Variants in TM9SF3 observed in about 807,000 individuals in gnomAD.
TM9SF3 encodes SM-11044-binding protein.
Under a neutral mutation model 78.6 loss-of-function variants are expected in TM9SF3, and 14 were observed. That is an observed-to-expected ratio of 0.18 (90% CI 0.12 to 0.28). TM9SF3 has a LOEUF of 0.28. Ranked by LOEUF, TM9SF3 falls within the 10% of genes least tolerant of loss-of-function variation. The pLI is 1.00. For missense variants in TM9SF3, 496 were observed against 721.9 expected, an observed-to-expected ratio of 0.69 and a Z score of 3.59; for synonymous variants, 231 against 241.7, an observed-to-expected ratio of 0.96 and a Z score of 0.41.
rs1847728807 is a variant in TM9SF3 at position 96,519,094 on chromosome 10, A to C, written c.*3169T>G. 1 of 152,076 alleles carries C rather than the reference A, an allele frequency of 6.6e-6. No individual in the cohort carries two copies. Among genetic ancestry groups the C allele is most frequent in the African/African-American group, 2.4e-5 (1 of 41,450 alleles). The allele number at this position is 152,076 out of a possible 1,614,324, so 9.4% of individuals were successfully genotyped here. A position where few individuals can be genotyped will look rare whatever the true frequency, so the allele number is the denominator to read the frequency against. ...TAGCTTTTCCTGAACAAATACATTA[A>C]TACACTTTTTGTTTTTTACATTTGT... On this transcript the variant is annotated 3_prime_UTR_variant, in exon 15 of 15. Transcript: ENST00000371142.
intron 2 of TM9SF3, among the ~76,000 whole-genome samples, chr10:96,568,422 G>GA (rs1322276746): frequency 4.6e-5 from 7 of 151,984 alleles, no homozygotes; most frequent in East Asian, 3.9e-4. Flanking sequence ...TCTTACGAGG[G>GA]AAAAAAACAA....
chr10:96,519,143 T>C lies in TM9SF3; in HGVS notation c.*3120A>G, dbSNP rs544361347. 3.3e-5 allele frequency: 5 copies of C among 152,226 alleles called. No homozygotes were observed. Among genetic ancestry groups the C allele is most frequent in the Non-Finnish European group, 7.4e-5 (5 of 67,930 alleles). 9.4% of individuals were successfully genotyped at this position (152,226 alleles called of 1,614,324 possible). On this transcript the variant is annotated 3_prime_UTR_variant, in exon 15 of 15. Coordinates refer to ENST00000371142, the MANE Select transcript of TM9SF3 (RefSeq NM_020123.4). ...GTAAAAATTCAAGGTTTTAATAACA[T>C]TTCTTTGCAAGACATTTGGTATAAG...
intron 3 of TM9SF3, among the ~76,000 whole-genome samples, chr10:96,563,834 T>G (rs10882822): frequency 0.58 from 88,027 of 150,774 alleles, 27,264 homozygotes; most frequent in East Asian, 0.83. Flanking sequence ...AAAGTTGTTT[T>G]TTTTTTTTTT....
chr10:96,548,753 G>A (rs1036705870), intron 7 of TM9SF3, among the ~76,000 whole-genome samples: 4 of 139,756 alleles, frequency 2.9e-5, no homozygotes, highest in Middle Eastern at 4.4e-3. Context: ...AGCCAAGAAC[G>A]CGTCACTGCA....
intron 2 of TM9SF3, among the ~76,000 whole-genome samples, chr10:96,566,046 C>T (rs1323044669): frequency 6.6e-6 from 1 of 152,174 alleles, no homozygotes; most frequent in Non-Finnish European, 1.5e-5. Flanking sequence ...GATACTGCTA[C>T]TATAATTCTA....
In TM9SF3 at chr10:96,586,884, C is replaced by T; in HGVS notation, c.-49G>A. On this transcript the variant is annotated 5_prime_UTR_variant, in exon 1 of 15. Coordinates refer to ENST00000371142, the MANE Select transcript of TM9SF3 (RefSeq NM_020123.4). ...GCCGGCTCACCGACTCCTCCTCCCG[C>T]CGCCGCCTCCTCCGCCGCCGCCGCC... 4.1e-6 allele frequency: 4 copies of T among 978,916 alleles called. No homozygotes were observed. The highest frequency in any genetic ancestry group is 5.1e-6 in the Non-Finnish European group (4 of 786,362). The allele number at this position is 978,916 out of a possible 1,614,324, so 60.6% of individuals were successfully genotyped here. A position where few individuals can be genotyped will look rare whatever the true frequency, so the allele number is the denominator to read the frequency against.
chr10:96,548,708 G>A (rs1848130061), intron 7 of TM9SF3, among the ~76,000 whole-genome samples: 1 of 140,594 alleles, frequency 7.1e-6, no homozygotes, highest in Non-Finnish European at 1.5e-5. Context: ...TGAGGCAGGA[G>A]AACTACTTGA....
rs537535996 is a variant in TM9SF3 at position 96,578,901 on chromosome 10, C to A, written c.103-2072G>T. 2.0e-5 allele frequency among the ~76,000 whole-genome samples: 3 copies of A among 152,304 alleles called. No individual in the cohort carries two copies. In the East Asian group the frequency reaches 5.8e-4, roughly 29 times the overall value. ...AATCAGCCTGGCCAACATGGTGAAA[C>A]CCTGTCTCTACTTAAAATACAAATA... On this transcript the variant is annotated intron_variant, in intron 1 of 14. Transcript: ENST00000371142.
chr10:96,522,403 A>G (rs17391197), intron 14 of TM9SF3, 73 bp from the exon 15 acceptor site: 158,582 of 1,145,324 alleles, frequency 0.14, 12,043 homozygotes, highest in Non-Finnish European at 0.15. Context: ...AACACTAAAT[A>G]CTCTATGCTC....
At chr10:96,560,305 C>G in intron 4 of TM9SF3, 1 of 750,602 alleles carries the variant, frequency 1.3e-6, no homozygotes, top group South Asian at 1.3e-5. Flanking sequence ...AAATGAGCAC[C>G]AATTATCTTT....
intron 5 of TM9SF3, among the ~76,000 whole-genome samples, chr10:96,553,982 C>T (rs1413151666): frequency 4.6e-5 from 7 of 152,170 alleles, no homozygotes; most frequent in Non-Finnish European, 1.0e-4. Context: ...GCTGCCTTCC[C>T]TTGAAGCAAA....
At chr10:96,579,222 G>GT (rs528489765) in intron 1 of TM9SF3, among the ~76,000 whole-genome samples, 3 of 152,192 alleles carry the variant, frequency 2.0e-5, no homozygotes, top group African/African-American at 4.8e-5. Flanking sequence ...TACCCTGACT[G>GT]TAAGAGTACC....
intron 1 of TM9SF3, among the ~76,000 whole-genome samples, chr10:96,583,080 C>CA (rs113343282): frequency 0.28 from 21,784 of 78,382 alleles, 2,001 homozygotes; most frequent in East Asian, 0.49. Context: ...AACATAGTCT[C>CA]AAAAAAAAAA....
At chr10:96,549,284 C>T (rs1267260735) in intron 7 of TM9SF3, among the ~76,000 whole-genome samples, 1 of 152,116 alleles carries the variant, frequency 6.6e-6, no homozygotes, top group Non-Finnish European at 1.5e-5. Flanking sequence ...AGAATCATTC[C>T]TATTCAAGTG....
intron 5 of TM9SF3, among the ~76,000 whole-genome samples, chr10:96,556,045 A>G (rs984665878): frequency 1.3e-5 from 2 of 152,222 alleles, no homozygotes; most frequent in African/African-American, 4.8e-5. Flanking sequence ...ATAATGTAGT[A>G]ATAACCTGAA....
intron 1 of TM9SF3, among the ~76,000 whole-genome samples, chr10:96,585,183 G>C (rs956769954): frequency 6.6e-6 from 1 of 152,060 alleles, no homozygotes; most frequent in African/African-American, 2.4e-5. Flanking sequence ...TTATATGCCT[G>C]TATCACGGAA....
intron 2 of TM9SF3, among the ~76,000 whole-genome samples, chr10:96,575,159 C>T (rs927605641): frequency 2.0e-5 from 3 of 152,038 alleles, no homozygotes; most frequent in Non-Finnish European, 4.4e-5. Flanking sequence ...TACACAGTAG[C>T]AAAGTAGGAC....
At position 96,586,824 on chromosome 10, in the gene TM9SF3, C is replaced by G; in HGVS notation, c.12G>C (p.Leu4=). The change falls in exon 1 of 15, where the codon CTG becomes CTC. Residue 4 remains leucine (L), a synonymous_variant. Transcript: ENST00000371142. MRP[L]PGALGVAAAA... ...CCGCCGCCACGCCAAGAGCGCCAGGCAGCGGCCTCATCCTCCGCGCCCCTC... is the reference window on the plus strand; with the variant it reads ...CCGCCGCCACGCCAAGAGCGCCAGGGAGCGGCCTCATCCTCCGCGCCCCTC... 2 of 1,244,928 alleles carry G rather than the reference C, an allele frequency of 1.6e-6. No individual in the cohort carries two copies. The highest frequency in any genetic ancestry group is 1.6e-5 in the African/African-American group (1 of 63,758). The allele number at this position is 1,244,928 out of a possible 1,614,324, so 77.1% of individuals were successfully genotyped here.
chr10:96,566,649 T>TA (rs1399704893), intron 2 of TM9SF3, among the ~76,000 whole-genome samples: 1 of 152,084 alleles, frequency 6.6e-6, no homozygotes, highest in Non-Finnish European at 1.5e-5. Flanking sequence ...CAAGCCCTCC[T>TA]AGGCAGTAAG....
Sources: allele counts gnomAD v4.1 joint callset (sites outside exome capture counted in the v4.1 genomes callset), GRCh38; gene constraint gnomAD v4.1.1; transcripts MANE v1.5; gene names NCBI Gene and HGNC (gene_info 2026-07-23, HGNC 2026-07-21).